Variants in ABI3BP observed in about 807,000 individuals in gnomAD.
The protein encoded by ABI3BP is ABI family member 3 binding protein.
ABI3BP carries 216 observed loss-of-function variants against 268.6 expected under a neutral mutation model. The ratio of observed to expected loss-of-function variants is 0.80; its 90% CI spans 0.72 to 0.90. The LOEUF (loss-of-function observed/expected upper bound fraction) is 0.90. ABI3BP is among the 40% of genes least tolerant of loss of function. The probability of loss-of-function intolerance (pLI) is 0.00; values close to 1 mark genes in which losing one functional copy is unlikely to be tolerated. For missense variants in ABI3BP, 2,090 were observed against 2,182.4 expected (o/e 0.96, Z 0.84); for synonymous variants, 730 against 730.0 (o/e 1.00, Z 0.00).
chr3:100,981,225 G>C (rs1576313356), intron 1 of ABI3BP, among the ~76,000 whole-genome samples: 2 of 141,380 alleles, frequency 1.4e-5, no homozygotes, highest in South Asian at 5.0e-4. Flanking sequence ...GCATGACATA[G>C]AAACAACACT....
intron 26 of ABI3BP, among the ~76,000 whole-genome samples, chr3:100,837,865 T>C (rs775989139): frequency 6.6e-6 from 1 of 152,212 alleles, no homozygotes; most frequent in Non-Finnish European, 1.5e-5. Flanking sequence ...TGAAGAACAG[T>C]GTCAGCCTTC....
chr3:100,911,175 T>C (rs1437348431), intron 2 of ABI3BP: 2 of 396,158 alleles, frequency 5.0e-6, no homozygotes, highest in East Asian at 1.4e-4. Flanking sequence ...TCATTTGTGG[T>C]CTACTAGCTG....
At position 100,778,470 on chromosome 3, in the gene ABI3BP, T is replaced by C. The variant is rs1267002441; in HGVS notation, c.4241-94A>G. On this transcript the variant is annotated intron_variant, in intron 58 of 67. Coordinates refer to ENST00000471714, the MANE Select transcript of ABI3BP (RefSeq NM_001375547.2). Reference sequence around the variant, plus strand: ...GGGTTTTTAAAAATAAAAAATAATGTTTGATAATTAGCAGTTGGATGACAG... The same window carrying C: ...GGGTTTTTAAAAATAAAAAATAATGCTTGATAATTAGCAGTTGGATGACAG... The C allele has an allele frequency of 7.2e-6, 8 of 1,105,176 alleles. No homozygotes were observed. The Admixed American group carries it at 2.0e-4, about 28-fold the overall frequency. 68.5% of individuals were successfully genotyped at this position (1,105,176 alleles called of 1,614,324 possible).
chr3:100,828,514 A>G (rs2098428409), intron 33 of ABI3BP, 62 bp from the exon 34 acceptor site: 1 of 1,409,634 alleles, frequency 7.1e-7, no homozygotes, highest in African/African-American at 1.4e-5. Flanking sequence ...AAAACTCAGA[A>G]CATTCAAAAA....
intron 34 of ABI3BP, among the ~76,000 whole-genome samples, chr3:100,827,430 T>C (rs148436287): frequency 6.9e-4 from 105 of 152,240 alleles, no homozygotes; most frequent in African/African-American, 2.4e-3. Flanking sequence ...CCTACACTTA[T>C]CTGGTATAGT....
chr3:100,898,843 G>C lies in ABI3BP; in HGVS notation c.380C>G (p.Pro127Arg), dbSNP rs369828909. 6.2e-7 allele frequency: 1 copy of C among 1,613,484 alleles called. No homozygotes were observed. The highest frequency in any genetic ancestry group is 8.5e-7 in the Non-Finnish European group (1 of 1,179,714). The change falls in exon 4 of 68, where the codon CCG becomes CGG. Residue 127 changes from proline (P) to arginine (R), a missense_variant. Coordinates refer to ENST00000471714, the MANE Select transcript of ABI3BP (RefSeq NM_001375547.2). ...ACCCCAGGACAGGAAGACCGAGCTC[G>C]GTGTCAGAGTGCCAACCACCAGCTG... ...PLQLVVGTLTPSSVFLSWGFL... is the reference protein window; with the variant it reads ...PLQLVVGTLTRSSVFLSWGFL...
chr3:100,793,741 T>C (rs1225032404), intron 54 of ABI3BP, among the ~76,000 whole-genome samples: 2 of 151,978 alleles, frequency 1.3e-5, no homozygotes, highest in African/African-American at 2.4e-5. Context: ...AAAGGATGGA[T>C]TATTAGAAAA....
At chr3:100,753,728 C>A (rs1007819942) in intron 65 of ABI3BP, 91 bp downstream of exon 65, 10 of 1,450,676 alleles carry the variant, frequency 6.9e-6, no homozygotes, top group Middle Eastern at 1.7e-4. Flanking sequence ...AGTGGAAAAA[C>A]GCGAAATCAT....
At chr3:100,780,394 T>C (rs2096833655) in intron 57 of ABI3BP, among the ~76,000 whole-genome samples, 185 bp from the exon 58 acceptor site, 1 of 152,112 alleles carries the variant, frequency 6.6e-6, no homozygotes, top group Non-Finnish European at 1.5e-5. Flanking sequence ...CATTCACTAG[T>C]TGTGATGTTT....
In ABI3BP at chr3:100,750,558, A is replaced by T. The variant is rs2095253063; in HGVS notation, c.5298T>A (p.Gly1766=). 3 of 1,613,304 alleles carry T rather than the reference A, an allele frequency of 1.9e-6. No individual in the cohort carries two copies. The Middle Eastern group carries it at 5.0e-4, about 266-fold the overall frequency. ...QEPVQFGEIG[G]HTQINYVQWY... The stretch of plus-strand genomic sequence containing the variant: ...ACTGAACATAATTGATTTGGGTGTG[A>T]CCACCTATTTCTCCAAATTGGACAG... Residue 1766 remains glycine, a synonymous_variant, in exon 68 of 68, where the codon GGT becomes GGA. Coordinates refer to ENST00000471714, the MANE Select transcript of ABI3BP (RefSeq NM_001375547.2).
intron 2 of ABI3BP, among the ~76,000 whole-genome samples, chr3:100,919,663 G>A (rs1477418351): frequency 1.3e-5 from 2 of 152,174 alleles, no homozygotes; most frequent in Non-Finnish European, 2.9e-5. Flanking sequence ...TAGCCCAAAT[G>A]CGCTGAGATA....
intron 1 of ABI3BP, among the ~76,000 whole-genome samples, chr3:100,977,863 C>A (rs1443628463): frequency 6.6e-6 from 1 of 152,144 alleles, no homozygotes; most frequent in Non-Finnish European, 1.5e-5. Context: ...TGTGTGTTCA[C>A]ATCTTAGTTA....
intron 1 of ABI3BP, among the ~76,000 whole-genome samples, chr3:100,984,837 G>C (rs1346638703): frequency 1.3e-5 from 2 of 152,062 alleles, no homozygotes; most frequent in East Asian, 3.9e-4. Flanking sequence ...CCCAACACAA[G>C]AGAAGACTGT....
Position 100,750,410 on chromosome 3 carries a change from C to T in ABI3BP, c.*85G>A, listed in dbSNP as rs2149155419. The T allele has an allele frequency of 1.9e-6, 2 of 1,070,276 alleles. No individual in the cohort carries two copies. Among genetic ancestry groups the T allele is most frequent in the Middle Eastern group, 2.1e-4 (1 of 4,664 alleles). 66.3% of individuals were successfully genotyped at this position (1,070,276 alleles called of 1,614,324 possible). ...ATTGTAGACTTTTATACATAGTAAA[C>T]AAAATAGCTTTAAATGAATGCGGCA... On this transcript the variant is annotated 3_prime_UTR_variant, in exon 68 of 68. Coordinates refer to ENST00000471714, the MANE Select transcript of ABI3BP (RefSeq NM_001375547.2).
At chr3:100,915,219 C>T (rs554558817) in intron 2 of ABI3BP, among the ~76,000 whole-genome samples, 1 of 152,222 alleles carries the variant, frequency 6.6e-6, no homozygotes, top group South Asian at 2.1e-4. Context: ...ACTCTTATCC[C>T]CCAACCCACC....
At chr3:100,858,760 T>A (rs2098965485) in intron 14 of ABI3BP, among the ~76,000 whole-genome samples, 1 of 152,128 alleles carries the variant, frequency 6.6e-6, no homozygotes, top group African/African-American at 2.4e-5. Context: ...GATGCCAATA[T>A]CAGACAAGAC....
intron 39 of ABI3BP, 150 bp downstream of exon 39, chr3:100,820,904 T>C: frequency 1.4e-6 from 1 of 707,244 alleles, no homozygotes; most frequent in South Asian, 2.1e-5. Context: ...AGTCAGAATT[T>C]TCAATACTTT....
chr3:100,847,760 A>C, intron 18 of ABI3BP, 87 bp from the exon 19 acceptor site: 1 of 1,123,660 alleles, frequency 8.9e-7, no homozygotes. Context: ...ATCCATTTAA[A>C]ATCCTGCCAT....
intron 63 of ABI3BP, among the ~76,000 whole-genome samples, chr3:100,757,449 A>G (rs1464551160): frequency 6.6e-6 from 1 of 152,224 alleles, no homozygotes; most frequent in African/African-American, 2.4e-5. Context: ...TGACTTTTTA[A>G]CAGTAACACT....
Sources: allele counts gnomAD v4.1 joint callset (sites outside exome capture counted in the v4.1 genomes callset), GRCh38; gene constraint gnomAD v4.1.1; transcripts MANE v1.5; gene names NCBI Gene and HGNC (gene_info 2026-07-23, HGNC 2026-07-21).